The following GRIA1 variants were observed in gnomAD, a reference collection of about 807,000 sequenced individuals.
GRIA1 encodes the protein glutamate receptor 1.
Under a neutral mutation model 99.2 loss-of-function variants are expected in GRIA1, and 31 were observed. The ratio of observed to expected loss-of-function variants is 0.31; its 90% confidence interval spans 0.23 to 0.42. The LOEUF is 0.42. Ranked by LOEUF, GRIA1 falls within the 10% of genes least tolerant of loss-of-function variation. GRIA1 has a pLI of 1.00. For missense variants in GRIA1, 782 were observed against 1,157.5 expected, an observed-to-expected ratio of 0.68 and a Z score of 4.71; for synonymous variants, 438 against 432.4, an observed-to-expected ratio of 1.01 and a Z score of -0.16.
At chr5:153,628,189 G>A (rs1341024145) in intron 2 of GRIA1, among the ~76,000 whole-genome samples, 3 of 152,238 alleles carry the variant, frequency 2.0e-5, no homozygotes, top group Non-Finnish European at 2.9e-5. Flanking sequence ...GACTCTCACA[G>A]AAGAGGTGGT....
intron 11 of GRIA1, among the ~76,000 whole-genome samples, chr5:153,729,830 A>G (rs1050371148): frequency 2.6e-5 from 4 of 152,090 alleles, no homozygotes; most frequent in African/African-American, 9.7e-5. Flanking sequence ...GGCTTCTGTA[A>G]ACAACTTAAT....
At position 153,770,227 on chromosome 5, in the gene GRIA1, A is replaced by T. The variant is rs146397456; in HGVS notation, c.2082A>T (p.Ser694=). Residue 694 remains serine (S), a synonymous_variant, in exon 13 of 16, where the codon TCA becomes TCT. Transcript: ENST00000285900. Reference sequence around the variant, plus strand: ...CATACATGAAGTCAGCAGAGCCATCAGTTTTTGTGCGGACCACAGAGGAGG... The same window carrying T: ...CATACATGAAGTCAGCAGAGCCATCTGTTTTTGTGCGGACCACAGAGGAGG... The part of the protein sequence containing the change: ...MWTYMKSAEP[S]VFVRTTEEGM... The T allele has an allele frequency of 9.9e-6, 16 of 1,613,870 alleles. No homozygotes were observed. Among genetic ancestry groups the T allele is most frequent in the Non-Finnish European group, 1.3e-5 (15 of 1,179,876 alleles).
intron 2 of GRIA1, among the ~76,000 whole-genome samples, chr5:153,626,513 G>A (rs1767641100): frequency 6.6e-6 from 1 of 150,854 alleles, no homozygotes; most frequent in Non-Finnish European, 1.5e-5. Flanking sequence ...GAAGCTGAAT[G>A]CCAGCACAAT....
intron 2 of GRIA1, among the ~76,000 whole-genome samples, chr5:153,625,309 T>C (rs1396396536): frequency 6.6e-6 from 1 of 152,210 alleles, no homozygotes; most frequent in Non-Finnish European, 1.5e-5. Flanking sequence ...GGCTCTTTCC[T>C]GGTCCCAGCC....
chr5:153,806,573 C>T (rs1766443411), intron 15 of GRIA1, among the ~76,000 whole-genome samples: 1 of 152,168 alleles, frequency 6.6e-6, no homozygotes, highest in Non-Finnish European at 1.5e-5. Context: ...CCTTGGCCCA[C>T]TCTTAAGGCC....
chr5:153,813,432 G>GACTT lies in GRIA1; in HGVS notation c.*2208_*2211dup, dbSNP rs1766959770. 6.6e-6 allele frequency: 1 copy of GACTT among 152,236 alleles called. No homozygotes were observed. The highest frequency in any genetic ancestry group is 2.4e-5 in the African/African-American group (1 of 41,468). The allele number at this position is 152,236 out of a possible 1,614,324, so 9.4% of individuals were successfully genotyped here. A position where few individuals can be genotyped will look rare whatever the true frequency, so the allele number is the denominator to read the frequency against. On this transcript the variant is annotated 3_prime_UTR_variant, in exon 16 of 16. Coordinates refer to ENST00000285900, the MANE Select transcript of GRIA1 (RefSeq NM_000827.4). Reference sequence around the variant, plus strand: ...CAAGTAACATGAGCGGATAAAAAGAGACTTGTTTGTGCTAGAAATGAGGGT... The same window carrying GACTT: ...CAAGTAACATGAGCGGATAAAAAGAGACTTACTTGTTTGTGCTAGAAATGAGGGT...
chr5:153,703,091 T>C (rs898247702), intron 10 of GRIA1, among the ~76,000 whole-genome samples: 17 of 152,202 alleles, frequency 1.1e-4, no homozygotes, highest in African/African-American at 3.6e-4. Flanking sequence ...TCAGTCAATA[T>C]TAACCAAGCT....
At chr5:153,506,218 G>A (rs563762297) in intron 2 of GRIA1, among the ~76,000 whole-genome samples, 43 of 152,192 alleles carry the variant, frequency 2.8e-4, no homozygotes, top group African/African-American at 9.9e-4. Context: ...GGGGAGGTAT[G>A]CTAGGGCATT....
intron 2 of GRIA1, among the ~76,000 whole-genome samples, chr5:153,556,660 T>C (rs529922602): frequency 2.4e-4 from 36 of 152,284 alleles, no homozygotes; most frequent in African/African-American, 8.4e-4. Flanking sequence ...AGCAGGTGTG[T>C]TCTAGATATT....
rs563216993 is a variant in GRIA1, at chr5:153,665,405, G to A, written c.700-9095G>A. Among the ~76,000 whole-genome samples the A allele has an allele frequency of 2.6e-5, 4 of 152,246 alleles. No homozygotes were observed. The East Asian group carries it at 5.8e-4, about 22-fold the overall frequency. On this transcript the variant is annotated intron_variant, in intron 5 of 15. Transcript: ENST00000285900. The stretch of plus-strand genomic sequence containing the variant: ...CTTTTTTCTTCTCAATATTTATGGT[G>A]TTTTCACTGATTTAAGCACAGCTAC...
intron 11 of GRIA1, among the ~76,000 whole-genome samples, chr5:153,710,668 T>C (rs1391494069): frequency 6.6e-6 from 1 of 152,238 alleles, no homozygotes; most frequent in Non-Finnish European, 1.5e-5. Context: ...GATCATTCAT[T>C]TATTCAACAG....
intron 11 of GRIA1, among the ~76,000 whole-genome samples, chr5:153,710,428 G>T (rs1487574952): frequency 1.3e-5 from 2 of 152,000 alleles, no homozygotes; most frequent in African/African-American, 2.4e-5. Context: ...TCCCTATGCT[G>T]CCCAAGCTGG....
chr5:153,699,029 G>T lies in GRIA1; in HGVS notation c.1408G>T (p.Asp470Tyr). ...TGGAAAATACGGAGCCCGAGACCCTGACACGAAGGCCTGGAATGGCATGGT... is the reference window on the plus strand; with the variant it reads ...TGGAAAATACGGAGCCCGAGACCCTTACACGAAGGCCTGGAATGGCATGGT... ...SDGKYGARDP[D>Y]TKAWNGMVGE... is the part of the protein sequence containing the mutation. Residue 470 changes from aspartate (D) to tyrosine (Y), a missense_variant, in exon 10 of 16, where the codon GAC (aspartate) becomes TAC (tyrosine). Asp to Tyr is a radical substitution (Grantham distance 160). Coordinates refer to ENST00000285900, the MANE Select transcript of GRIA1 (RefSeq NM_000827.4). The T allele has an allele frequency of 6.2e-7, 1 of 1,614,056 alleles. No homozygotes were observed. Among genetic ancestry groups the T allele is most frequent in the Non-Finnish European group, 8.5e-7 (1 of 1,179,968 alleles).
intron 2 of GRIA1, among the ~76,000 whole-genome samples, chr5:153,603,224 C>T (rs1190540866): frequency 6.6e-6 from 1 of 152,122 alleles, no homozygotes; most frequent in Non-Finnish European, 1.5e-5. Flanking sequence ...TTTCCAATTT[C>T]ATCCATGTCC....
chr5:153,490,825 A>C lies in GRIA1; in HGVS notation c.-64A>C. 2 of 1,155,842 alleles carry C rather than the reference A, an allele frequency of 1.7e-6. No homozygotes were observed. The highest frequency in any genetic ancestry group is 2.6e-6 in the Non-Finnish European group (2 of 761,472). 71.6% of individuals were successfully genotyped at this position (1,155,842 alleles called of 1,614,324 possible). On this transcript the variant is annotated 5_prime_UTR_variant, in exon 1 of 16. Coordinates refer to ENST00000285900, the MANE Select transcript of GRIA1 (RefSeq NM_000827.4). ...AGAACAGCGAGAAGAATAAAGGGAA[A>C]GGGGGGGAAACACCAAATCTATGAT...
At chr5:153,532,156 A>G (rs1758153015) in intron 2 of GRIA1, among the ~76,000 whole-genome samples, 2 of 152,212 alleles carry the variant, frequency 1.3e-5, no homozygotes, top group Admixed American at 1.3e-4. Flanking sequence ...AAAATAGCTG[A>G]AAGTATGTTT....
At chr5:153,687,123 G>C (rs1757398452) in intron 8 of GRIA1, among the ~76,000 whole-genome samples, 1 of 152,094 alleles carries the variant, frequency 6.6e-6, no homozygotes, top group Non-Finnish European at 1.5e-5. Context: ...GCCTTCTCTG[G>C]CCTTTCTTAT....
At chr5:153,555,782 G>A (rs1047698641) in intron 2 of GRIA1, among the ~76,000 whole-genome samples, 2 of 152,188 alleles carry the variant, frequency 1.3e-5, no homozygotes, top group African/African-American at 4.8e-5. Flanking sequence ...GTACACTTCA[G>A]CAACTTGATA....
At chr5:153,607,601 C>T (rs1765569047) in intron 2 of GRIA1, among the ~76,000 whole-genome samples, 1 of 151,854 alleles carries the variant, frequency 6.6e-6, no homozygotes, top group South Asian at 2.1e-4. Context: ...CACCCCTTAA[C>T]TGTTCTTCTA....
Sources: allele counts gnomAD v4.1 joint callset (sites outside exome capture counted in the v4.1 genomes callset), GRCh38; gene constraint gnomAD v4.1.1; transcripts MANE v1.5; gene names NCBI Gene and HGNC (gene_info 2026-07-23, HGNC 2026-07-21).